The following DENND3 variants were observed in gnomAD, a reference collection of about 807,000 sequenced individuals.
DENND3 encodes DENN domain containing 3.
Under a neutral mutation model 135.1 loss-of-function variants are expected in DENND3, and 88 were observed. The ratio of observed to expected loss-of-function variants is 0.65; its 90% confidence interval spans 0.55 to 0.78. The LOEUF is 0.78. DENND3 is among the 30% of genes least tolerant of loss of function. The pLI is 0.00. For missense variants in DENND3, 1,392 were observed against 1,688.4 expected, an observed-to-expected ratio of 0.82 and a Z score of 3.08; for synonymous variants, 693 against 712.3, an observed-to-expected ratio of 0.97 and a Z score of 0.43.
chr8:141,141,611 T>C lies in DENND3; in HGVS notation c.623+287T>C. 2.3e-6 allele frequency: 1 copy of C among 438,258 alleles called. No homozygotes were observed. The highest frequency in any genetic ancestry group is 4.1e-6 in the Non-Finnish European group (1 of 241,224). 27.1% of individuals were successfully genotyped at this position (438,258 alleles called of 1,614,324 possible). On this transcript the variant is annotated intron_variant, in intron 4 of 22. Coordinates refer to ENST00000519811, the MANE Select transcript of DENND3 (RefSeq NM_001352890.3). This position sits in a 1 kb window ranked among gnomAD's most constrained non-coding sequence, Gnocchi z 5.3. ...TGGTAGGAAAGGGATGAAGCCACAC[T>C]GTCGGAAGTAAGGTTGATGTTCAGG...
chr8:141,162,442 G>C (rs944388319), intron 9 of DENND3, among the ~76,000 whole-genome samples: 2 of 151,938 alleles, frequency 1.3e-5, no homozygotes, highest in African/African-American at 4.8e-5. Flanking sequence ...AAAAAAAAGA[G>C]GCAGAAAATA....
At chr8:141,180,669 CAG>C in intron 16 of DENND3, 76 bp from the exon 17 acceptor site, 2 of 1,301,332 alleles carry the variant, frequency 1.5e-6, no homozygotes, top group Non-Finnish European at 1.1e-6. Flanking sequence ...CTGCAGAAAT[CAG>C]AGTGCGTGAG....
chr8:141,170,260 C>T (rs995966202), intron 13 of DENND3, among the ~76,000 whole-genome samples: 4 of 152,102 alleles, frequency 2.6e-5, no homozygotes, highest in Non-Finnish European at 4.4e-5. Context: ...GACAGAGGCC[C>T]GGCAGGTCTC....
At position 141,163,352 on chromosome 8, in the gene DENND3, A is replaced by G. The variant is rs766651278; in HGVS notation, c.1372A>G (p.Asn458Asp). 2 of 1,607,004 alleles carry G rather than the reference A, an allele frequency of 1.2e-6. No individual in the cohort carries two copies. Among genetic ancestry groups the G allele is most frequent in the South Asian group, 2.2e-5 (2 of 90,040 alleles). Residue 458 changes from asparagine (N) to aspartate (D), a missense_variant, in exon 10 of 23, where the codon AAC becomes GAC. Transcript: ENST00000519811. ...TGTTAGGGATGTAAAGAATCATTTA[A>G]ACTATGAACACAGAGTCTTTAATAG... ...SIFRDVKNHLNYEHRVFNSEE... is the reference protein window; with the variant it reads ...SIFRDVKNHLDYEHRVFNSEE...
intron 2 of DENND3, 123 bp downstream of exon 2, chr8:141,136,914 G>A: frequency 1.1e-6 from 1 of 905,446 alleles, no homozygotes; most frequent in Non-Finnish European, 1.5e-6. Flanking sequence ...ACCCCTCACT[G>A]CCTCCTCTTG....
At chr8:141,169,603 G>A (rs1223553779) in intron 13 of DENND3, among the ~76,000 whole-genome samples, 1 of 152,220 alleles carries the variant, frequency 6.6e-6, no homozygotes, top group African/African-American at 2.4e-5. Context: ...GGCTCCGTGT[G>A]CCTCTCTCCC....
At chr8:141,188,799 C>T in intron 18 of DENND3, 187 bp from the exon 19 acceptor site, 1 of 650,940 alleles carries the variant, frequency 1.5e-6, no homozygotes, top group Non-Finnish European at 2.5e-6. Context: ...ACGCGGAGAA[C>T]AAGGTTATGC....
At position 141,138,172 on chromosome 8, in the gene DENND3, G is replaced by T; in HGVS notation, c.501+35G>T. On this transcript the variant is annotated intron_variant, in intron 3 of 22. Transcript: ENST00000519811. The surrounding 1 kb of genome is among the most constrained non-coding windows in gnomAD (Gnocchi z 4.8). Reference sequence around the variant, plus strand: ...TCCCGTTACTCCCCTCTGAAATTGGGTTTAGATTTTTTATTATGGTGAAAT... The same window carrying T: ...TCCCGTTACTCCCCTCTGAAATTGGTTTTAGATTTTTTATTATGGTGAAAT... 6.4e-7 allele frequency: 1 copy of T among 1,560,020 alleles called. No individual in the cohort carries two copies.
chr8:141,135,083 G>A (rs942123083), intron 1 of DENND3, among the ~76,000 whole-genome samples: 8 of 151,878 alleles, frequency 5.3e-5, no homozygotes, highest in African/African-American at 4.8e-5. Context: ...TGATCTGCCC[G>A]CCTCGGCTTC....
At chr8:141,142,362 G>A (rs371397579) in intron 4 of DENND3, 28 of 456,672 alleles carry the variant, frequency 6.1e-5, no homozygotes, top group Middle Eastern at 3.2e-4. Flanking sequence ...AATGAGCCAC[G>A]GCAAATCGCT....
At chr8:141,150,759 A>C in intron 5 of DENND3, 75 bp from the exon 6 acceptor site, 2 of 1,480,176 alleles carry the variant, frequency 1.4e-6, no homozygotes, top group Non-Finnish European at 1.8e-6. Context: ...TGGGCACCGA[A>C]ATAGTGACAG....
intron 10 of DENND3, among the ~76,000 whole-genome samples, chr8:141,164,621 G>A (rs1441804586): frequency 6.6e-6 from 1 of 152,038 alleles, no homozygotes; most frequent in Non-Finnish European, 1.5e-5. Flanking sequence ...TCTTTGGTTT[G>A]ATGCGGTTTC....
intron 1 of DENND3, among the ~76,000 whole-genome samples, chr8:141,135,782 T>C (rs1484385384): frequency 6.6e-6 from 1 of 152,116 alleles, no homozygotes; most frequent in Non-Finnish European, 1.5e-5. Context: ...AAGGCAAAAA[T>C]AAAAATTATG....
chr8:141,164,721 C>T lies in DENND3; in HGVS notation c.1450-465C>T, dbSNP rs541851038. ...AGCTCCCTGTATCATTCCCTCCTCT[C>T]CAGAGCCCTGCCCGAGGCTTCCAGC... On this transcript the variant is annotated intron_variant, in intron 10 of 22. Transcript: ENST00000519811. Among the ~76,000 whole-genome samples the T allele has an allele frequency of 1.4e-4, 22 of 152,362 alleles. No homozygotes were observed. In the East Asian group the frequency reaches 4.2e-3, roughly 29 times the overall value.
Position 141,141,516 on chromosome 8 carries a change from C to G in DENND3, c.623+192C>G. The G allele has an allele frequency of 5.0e-6, 3 of 605,658 alleles. No homozygotes were observed. The highest frequency in any genetic ancestry group is 2.2e-5 in the South Asian group (1 of 45,058). 37.5% of individuals were successfully genotyped at this position (605,658 alleles called of 1,614,324 possible). A position where few individuals can be genotyped will look rare whatever the true frequency, so the allele number is the denominator to read the frequency against. The stretch of plus-strand genomic sequence containing the variant: ...GTGCCTCTTAGGCTGTTGCTTAAGG[C>G]TGGGGGCAGTGGGCAGGGGGTGTGG... On this transcript the variant is annotated intron_variant, in intron 4 of 22. Transcript: ENST00000519811. This position sits in a 1 kb window ranked among gnomAD's most constrained non-coding sequence, Gnocchi z 5.3.
rs920070938 is a variant in DENND3, at chr8:141,154,363, A to AG, written c.1075-1484dup. On this transcript the variant is annotated intron_variant, in intron 7 of 22. Coordinates refer to ENST00000519811, the MANE Select transcript of DENND3 (RefSeq NM_001352890.3). The surrounding 1 kb of genome is among the most constrained non-coding windows in gnomAD (Gnocchi z 4.4). Reference sequence around the variant, plus strand: ...CCAGGGCTACGCGGTCTCTTAGCCCAGGCCCCTGCCCATGCTCTGGTGCTT... The same window carrying AG: ...CCAGGGCTACGCGGTCTCTTAGCCCAGGGCCCCTGCCCATGCTCTGGTGCTT... Among the ~76,000 whole-genome samples, 1 of 152,166 alleles carries AG rather than the reference A, an allele frequency of 6.6e-6. No homozygotes were observed. The highest frequency in any genetic ancestry group is 2.4e-5 in the African/African-American group (1 of 41,444).
Position 141,146,521 on chromosome 8 carries a change from A to C in DENND3, c.735+2262A>C, listed in dbSNP as rs1444460464. ...CGTCAAACGTCTCAAAATGTTTAGT[A>C]AATGTCGATTCAGTTTCATTGTGCT... On this transcript the variant is annotated intron_variant, in intron 5 of 22. Coordinates refer to ENST00000519811, the MANE Select transcript of DENND3 (RefSeq NM_001352890.3). This position sits in a 1 kb window ranked among gnomAD's most constrained non-coding sequence, Gnocchi z 4.3. Among the ~76,000 whole-genome samples the C allele has an allele frequency of 6.6e-6, 1 of 152,234 alleles. No individual in the cohort carries two copies. Among genetic ancestry groups the C allele is most frequent in the African/African-American group, 2.4e-5 (1 of 41,448 alleles).
intron 8 of DENND3, chr8:141,157,742 G>A: frequency 1.0e-6 from 1 of 959,028 alleles, no homozygotes; most frequent in Non-Finnish European, 1.2e-6. Context: ...TCTGAAAAAT[G>A]TTTAGGAAAA....
rs1254537456 is a variant in DENND3 at position 141,166,736 on chromosome 8, A to C, written c.1753+347A>C. Among the ~76,000 whole-genome samples the C allele has an allele frequency of 6.6e-6, 1 of 152,194 alleles. No homozygotes were observed. Among genetic ancestry groups the C allele is most frequent in the African/African-American group, 2.4e-5 (1 of 41,446 alleles). Reference sequence around the variant, plus strand: ...ACGTGTGATAGGAGGCAGGGAGCGCACCAGGCACTTTCTAGAGCCGGAGCT... The same window carrying C: ...ACGTGTGATAGGAGGCAGGGAGCGCCCCAGGCACTTTCTAGAGCCGGAGCT... On this transcript the variant is annotated intron_variant, in intron 12 of 22. Coordinates refer to ENST00000519811, the MANE Select transcript of DENND3 (RefSeq NM_001352890.3). This position sits in a 1 kb window ranked among gnomAD's most constrained non-coding sequence, Gnocchi z 4.3.
Sources: allele counts gnomAD v4.1 joint callset (sites outside exome capture counted in the v4.1 genomes callset), GRCh38; gene constraint gnomAD v4.1.1; non-coding constraint Gnocchi (gnomAD v3.1); transcripts MANE v1.5; gene names NCBI Gene and HGNC (gene_info 2026-07-23, HGNC 2026-07-21).